PTPRG: variants seen among roughly 807,000 people sequenced by gnomAD.
The protein encoded by PTPRG is receptor-type tyrosine-protein phosphatase gamma.
Under a neutral mutation model 165.3 loss-of-function variants are expected in PTPRG, and 102 were observed. The ratio of observed to expected loss-of-function variants is 0.62; its 90% CI spans 0.53 to 0.73. PTPRG has a LOEUF of 0.73. Among genes scored for constraint, PTPRG ranks in the 30% least tolerant of loss-of-function variants. The pLI is 0.00. For synonymous variants in PTPRG, 675 were observed against 669.5 expected, an observed-to-expected ratio of 1.01 and a Z score of -0.13; for missense variants, 1,866 against 1,861.4, an observed-to-expected ratio of 1.00 and a Z score of -0.05.
Position 62,255,218 on chromosome 3 carries a change from A to G in PTPRG, c.2559+3A>G. On this transcript the variant is annotated splice_donor_region_variant and intron_variant, in intron 16 of 29. Coordinates refer to ENST00000474889, the MANE Select transcript of PTPRG (RefSeq NM_002841.4). This position sits in a 1 kb window ranked among gnomAD's most constrained non-coding sequence, Gnocchi z 4.0. ...ATGGGTTCTCTGAGGATTTTGAGGT[A>G]TGTTTCAAGGCTGGAAGTTAACTTC... 1 of 1,608,482 alleles carries G rather than the reference A, an allele frequency of 6.2e-7. No homozygotes were observed.
chr3:61,646,992 T>A (rs1207590591), intron 1 of PTPRG, among the ~76,000 whole-genome samples: 1 of 152,224 alleles, frequency 6.6e-6, no homozygotes, highest in Non-Finnish European at 1.5e-5. Flanking sequence ...TGGCAGTTTG[T>A]TTATCCGTTC....
chr3:62,169,045 GTT>G (rs1705110309), intron 8 of PTPRG, among the ~76,000 whole-genome samples: 1 of 152,164 alleles, frequency 6.6e-6, no homozygotes, highest in African/African-American at 2.4e-5. Flanking sequence ...CCATTCTGCT[GTT>G]CTTCTGCTCT....
chr3:62,121,075 GCTGGGACTACAGGCGCCCA>G (rs1703051406), intron 5 of PTPRG, among the ~76,000 whole-genome samples: 1 of 150,806 alleles, frequency 6.6e-6, no homozygotes, highest in South Asian at 2.1e-4. Context: ...CTCCCGAGTA[GCTGGGACTACAGGCGCCCA>G]CCACTAGCCT....
chr3:62,199,300 T>C (rs547495144), intron 10 of PTPRG, among the ~76,000 whole-genome samples: 1 of 152,306 alleles, frequency 6.6e-6, no homozygotes, highest in South Asian at 2.1e-4. Context: ...CGTTTGACTT[T>C]CCAACTGTGC....
At chr3:62,017,630 T>C (rs1238841375) in intron 4 of PTPRG, among the ~76,000 whole-genome samples, 1 of 151,066 alleles carries the variant, frequency 6.6e-6, no homozygotes, top group Non-Finnish European at 1.5e-5. Flanking sequence ...TTCACCGTGT[T>C]AGCCAGGATG....
chr3:62,107,488 T>TCAAAGATAA (rs1702513231), intron 5 of PTPRG, among the ~76,000 whole-genome samples: 3 of 152,250 alleles, frequency 2.0e-5, no homozygotes, highest in Non-Finnish European at 4.4e-5. Context: ...AATAACCTGC[T>TCAAAGATAA]AACTTGAAGA....
At position 61,608,216 on chromosome 3, in the gene PTPRG, T is replaced by C. The variant is rs149286476; in HGVS notation, c.85+45844T>C. ...ACAGAGCCTCGGTTTTGTACAGATA[T>C]CTGTCCTCCTCCATAAAGCTGAGCA... On this transcript the variant is annotated intron_variant, in intron 1 of 29. Coordinates refer to ENST00000474889, the MANE Select transcript of PTPRG (RefSeq NM_002841.4). 5.1e-3 allele frequency among the ~76,000 whole-genome samples: 777 copies of C among 152,222 alleles called. 8 individuals carry two copies. The highest frequency in any genetic ancestry group is 0.018 in the African/African-American group (733 of 41,526).
chr3:62,281,702 C>CTACACAGG lies in PTPRG; in HGVS notation c.3908_3912+3dup, dbSNP rs1403084073. 6.2e-7 allele frequency: 1 copy of CTACACAGG among 1,610,948 alleles called. No homozygotes were observed. Among genetic ancestry groups the CTACACAGG allele is most frequent in the Non-Finnish European group, 8.5e-7 (1 of 1,178,264 alleles). Reference sequence around the variant, plus strand: ...ATCATCCATGACTTTATCCTTGAAGCTACACAGGTAACCTAAACCTCAGTT... The same window carrying CTACACAGG: ...ATCATCCATGACTTTATCCTTGAAGCTACACAGGTACACAGGTAACCTAAACCTCAGTT... On this transcript the variant is annotated frameshift_variant, in exon 27 of 30. Coordinates refer to ENST00000474889, the MANE Select transcript of PTPRG (RefSeq NM_002841.4). LOFTEE classifies it high-confidence loss of function.
intron 4 of PTPRG, among the ~76,000 whole-genome samples, chr3:62,024,795 A>T (rs543963848): frequency 6.6e-6 from 1 of 152,306 alleles, no homozygotes; most frequent in African/African-American, 2.4e-5. Context: ...AGATCTGATA[A>T]ATGCTTTAGA....
chr3:62,014,259 C>T (rs1438333284), intron 4 of PTPRG, among the ~76,000 whole-genome samples: 2 of 152,228 alleles, frequency 1.3e-5, no homozygotes, highest in South Asian at 4.2e-4. Context: ...AAGAAAGTTT[C>T]AAAAGCTTCT....
chr3:62,155,693 A>G (rs1012697116), intron 6 of PTPRG, among the ~76,000 whole-genome samples: 4 of 152,192 alleles, frequency 2.6e-5, no homozygotes, highest in Admixed American at 6.5e-5. Flanking sequence ...TAATTATAAT[A>G]TAGTTGATTC....
chr3:61,939,445 A>T (rs1224987765), intron 2 of PTPRG, among the ~76,000 whole-genome samples: 1 of 152,238 alleles, frequency 6.6e-6, no homozygotes, highest in Non-Finnish European at 1.5e-5. Flanking sequence ...CAGTGTGAAG[A>T]TAGATTGCTA....
rs938526457 is a variant in PTPRG, at chr3:62,233,950, A to G, written c.2375+2639A>G. On this transcript the variant is annotated intron_variant, in intron 14 of 29. Coordinates refer to ENST00000474889, the MANE Select transcript of PTPRG (RefSeq NM_002841.4). This position sits in a 1 kb window ranked among gnomAD's most constrained non-coding sequence, Gnocchi z 4.7. ...ATATGCACCACTAAATTACCATCCCATCACTCACCCACCCTGCTCCCTACC... is the reference window on the plus strand; with the variant it reads ...ATATGCACCACTAAATTACCATCCCGTCACTCACCCACCCTGCTCCCTACC... 2.6e-5 allele frequency among the ~76,000 whole-genome samples: 4 copies of G among 152,152 alleles called. No individual in the cohort carries two copies. The highest frequency in any genetic ancestry group is 9.7e-5 in the African/African-American group (4 of 41,440).
chr3:62,132,990 T>C (rs987718245), intron 6 of PTPRG, among the ~76,000 whole-genome samples: 2 of 152,234 alleles, frequency 1.3e-5, no homozygotes, highest in Non-Finnish European at 2.9e-5. Context: ...AAAATATTCT[T>C]TCAGTTGTCT....
At chr3:62,172,803 G>T (rs1705268639) in intron 8 of PTPRG, among the ~76,000 whole-genome samples, 1 of 152,220 alleles carries the variant, frequency 6.6e-6, no homozygotes. Context: ...AGCAAAGCCT[G>T]CCTGATTGGT....
At chr3:61,943,733 G>A (rs1239306472) in intron 2 of PTPRG, among the ~76,000 whole-genome samples, 4 of 152,110 alleles carry the variant, frequency 2.6e-5, no homozygotes, top group African/African-American at 7.2e-5. Flanking sequence ...CTCTTCATGG[G>A]GTACGTCAAA....
intron 2 of PTPRG, among the ~76,000 whole-genome samples, chr3:61,908,840 C>G (rs539344506): frequency 3.2e-4 from 49 of 152,240 alleles, no homozygotes; most frequent in Middle Eastern, 3.4e-3. Flanking sequence ...AGGCTTAACA[C>G]GTAAGAGTCT....
At chr3:61,649,340 TA>T (rs1371949141) in intron 1 of PTPRG, among the ~76,000 whole-genome samples, 1 of 152,148 alleles carries the variant, frequency 6.6e-6, no homozygotes, top group Non-Finnish European at 1.5e-5. Context: ...ATAAACAATA[TA>T]AATTTATTTC....
chr3:62,075,519 C>T (rs1411028739), intron 4 of PTPRG, among the ~76,000 whole-genome samples: 1 of 152,210 alleles, frequency 6.6e-6, no homozygotes, highest in East Asian at 1.9e-4. Flanking sequence ...TGCAAATTTA[C>T]AGTCTTAGGA....
Sources: gnomAD v4.1 joint callset for allele counts (sites outside exome capture counted in the v4.1 genomes callset) on GRCh38, gnomAD v4.1.1 for gene constraint, Gnocchi (gnomAD v3.1) non-coding constraint, MANE v1.5 for transcripts, NCBI Gene and HGNC (gene_info 2026-07-23, HGNC 2026-07-21) for gene names.